Variants in PTPRC observed in about 807,000 individuals in gnomAD.
PTPRC encodes the protein protein tyrosine phosphatase receptor type C, also known as receptor-type tyrosine-protein phosphatase C.
A neutral mutation model predicts 155.9 loss-of-function variants in PTPRC; 44 were observed. The ratio of observed to expected loss-of-function variants is 0.28; its 90% CI spans 0.22 to 0.36. PTPRC has a LOEUF of 0.36. Among genes scored for constraint, PTPRC ranks in the 10% least tolerant of loss-of-function variants. The pLI, the probability that PTPRC is intolerant of heterozygous loss-of-function variation, is 1.00. For synonymous variants in PTPRC, 525 were observed against 533.1 expected, an observed-to-expected ratio of 0.98 and a Z score of 0.21; for missense variants, 1,401 against 1,564.6, an observed-to-expected ratio of 0.90 and a Z score of 1.76.
intron 28 of PTPRC, among the ~76,000 whole-genome samples, chr1:198,749,931 A>C (rs915994130): frequency 6.6e-6 from 1 of 151,916 alleles, no homozygotes; most frequent in African/African-American, 2.4e-5. Context: ...CTTTTCATTC[A>C]GATAAACTGA....
intron 12 of PTPRC, among the ~76,000 whole-genome samples, chr1:198,713,477 A>G (rs1475314444): frequency 6.6e-6 from 1 of 152,166 alleles, no homozygotes; most frequent in African/African-American, 2.4e-5. Context: ...AATAATACAG[A>G]CAAAATGTTG....
At chr1:198,705,436 T>C (rs76273496) in intron 8 of PTPRC, among the ~76,000 whole-genome samples, 11,968 of 150,634 alleles carry the variant, frequency 0.079, 536 homozygotes, top group Middle Eastern at 0.13. Context: ...TTCTTTCTTT[T>C]TTTTTTTTTT....
chr1:198,740,367 C>T (rs1170122868), intron 23 of PTPRC, among the ~76,000 whole-genome samples: 1 of 151,794 alleles, frequency 6.6e-6, no homozygotes. Flanking sequence ...CATTTGAGGT[C>T]AGGAGTTTGA....
At chr1:198,726,538 G>A (rs886395119) in intron 15 of PTPRC, among the ~76,000 whole-genome samples, 2 of 152,114 alleles carry the variant, frequency 1.3e-5, no homozygotes, top group African/African-American at 4.8e-5. Flanking sequence ...TGCCCTATGA[G>A]TCAAAGAAAT....
Position 198,660,030 on chromosome 1 carries a change from CATATATATATATATATATAT to C in PTPRC, c.73+20708_73+20727del, listed in dbSNP as rs34796231. Among the ~76,000 whole-genome samples, 7 of 115,920 alleles carry C rather than the reference CATATATATATATATATATAT, an allele frequency of 6.0e-5. No homozygotes were observed. In the East Asian group the frequency reaches 6.4e-4, roughly 11 times the overall value. The allele number at this position is 115,920 out of a possible 152,430, so 76.0% of individuals were successfully genotyped here. On this transcript the variant is annotated intron_variant, in intron 2 of 32. Coordinates refer to ENST00000442510, the MANE Select transcript of PTPRC (RefSeq NM_002838.5). ...AGATATATTTGTCCATATATATGTC[CATATATATATATATATATAT>C]ATATATATATATATATATGATCTTT... is the stretch of plus-strand genomic sequence containing the variant.
At chr1:198,742,444 T>C (rs1189508224) in intron 25 of PTPRC, 77 bp downstream of exon 25, 1 of 1,567,238 alleles carries the variant, frequency 6.4e-7, no homozygotes, top group East Asian at 2.3e-5. Flanking sequence ...AATAATGATA[T>C]TTTTTAAAAA....
intron 5 of PTPRC, among the ~76,000 whole-genome samples, chr1:198,701,183 G>T (rs556248928): frequency 6.6e-6 from 1 of 152,218 alleles, no homozygotes; most frequent in African/African-American, 2.4e-5. Flanking sequence ...TAAATTTCGT[G>T]GTTTAGTGGC....
chr1:198,710,151 A>G (rs532121067), intron 11 of PTPRC, among the ~76,000 whole-genome samples: 1 of 152,230 alleles, frequency 6.6e-6, no homozygotes, highest in East Asian at 1.9e-4. Context: ...GTCTAATTTC[A>G]TTTTGTTGCA....
intron 2 of PTPRC, among the ~76,000 whole-genome samples, chr1:198,669,001 G>C (rs952860287): frequency 2.6e-5 from 4 of 152,178 alleles, no homozygotes; most frequent in East Asian, 1.9e-4. Flanking sequence ...ACATTTGAAA[G>C]TGATGATATT....
intron 26 of PTPRC, among the ~76,000 whole-genome samples, chr1:198,747,575 G>T (rs1311811193): frequency 6.6e-6 from 1 of 151,766 alleles, no homozygotes; most frequent in African/African-American, 2.4e-5. Flanking sequence ...AAGGCAGACT[G>T]GATTAAGTAG....
chr1:198,731,831 T>C (rs1193547084), intron 18 of PTPRC, 105 bp downstream of exon 18: 2 of 887,588 alleles, frequency 2.3e-6, no homozygotes, highest in East Asian at 2.6e-5. Flanking sequence ...CCACTTGATA[T>C]TGCAACATAA....
chr1:198,732,859 GTCCACATTT>G (rs1654457776), intron 20 of PTPRC, among the ~76,000 whole-genome samples: 1 of 151,840 alleles, frequency 6.6e-6, no homozygotes, highest in Admixed American at 6.6e-5. Context: ...CTCACAAGAA[GTCCACATTT>G]GCCTCAGCCA....
intron 23 of PTPRC, 150 bp downstream of exon 23, chr1:198,735,402 A>C (rs1449138267): frequency 1.3e-6 from 1 of 746,174 alleles, no homozygotes; most frequent in African/African-American, 1.8e-5. Flanking sequence ...AATGACAAAA[A>C]TCAATAGGGT....
chr1:198,738,168 C>T (rs1218036857), intron 23 of PTPRC, among the ~76,000 whole-genome samples: 1 of 151,700 alleles, frequency 6.6e-6, no homozygotes, highest in African/African-American at 2.4e-5. Flanking sequence ...TGTCTGATGG[C>T]TCTAGCTGGG....
At chr1:198,638,975 C>G (rs981765137), upstream of PTPRC, 5 of 380,608 alleles carry the variant, frequency 1.3e-5, no homozygotes, top group African/African-American at 1.0e-4. Flanking sequence ...CTTAGAACAA[C>G]TTTTTTGACT....
intron 8 of PTPRC, among the ~76,000 whole-genome samples, chr1:198,705,975 G>A (rs1481515471): frequency 6.6e-6 from 1 of 152,124 alleles, no homozygotes; most frequent in African/African-American, 2.4e-5. Context: ...AGGTTTGTAT[G>A]TCTCCTGCAA....
intron 25 of PTPRC, among the ~76,000 whole-genome samples, chr1:198,743,548 AGTTAAATCTGG>A (rs1411337027): frequency 6.6e-6 from 1 of 151,950 alleles, no homozygotes; most frequent in East Asian, 1.9e-4. Context: ...AGTAAAGAGT[AGTTAAATCTGG>A]GTTTGGCCCA....
Position 198,756,981 on chromosome 1 carries a change from T to TTAAA in PTPRC, c.*806_*809dup, listed in dbSNP as rs1216107093. 8 of 151,908 alleles carry TTAAA rather than the reference T, an allele frequency of 5.3e-5. No individual in the cohort carries two copies. Among genetic ancestry groups the TTAAA allele is most frequent in the Non-Finnish European group, 8.8e-5 (6 of 67,848 alleles). The allele number at this position is 151,908 out of a possible 1,614,324, so 9.4% of individuals were successfully genotyped here. ...CAAATTAGGTTTTGTACAATTGAAC[T>TTAAA]TAAATAAATGTCATTAAAATAAATA... On this transcript the variant is annotated 3_prime_UTR_variant, in exon 33 of 33. Transcript: ENST00000442510.
chr1:198,707,046 G>A lies in PTPRC; in HGVS notation c.904+94G>A, dbSNP rs1653017946. The stretch of plus-strand genomic sequence containing the variant: ...GTGGTCACAGGAGCTAGTCTGGTGA[G>A]AGAACAGGGCTGAGGGAAAGGAAAT... On this transcript the variant is annotated intron_variant, in intron 9 of 32. Transcript: ENST00000442510. 27 of 1,048,924 alleles carry A rather than the reference G, an allele frequency of 2.6e-5. No homozygotes were observed. The South Asian group carries it at 3.1e-4, about 12-fold the overall frequency. The allele number at this position is 1,048,924 out of a possible 1,614,324, so 65.0% of individuals were successfully genotyped here. A position where few individuals can be genotyped will look rare whatever the true frequency, so the allele number is the denominator to read the frequency against.
Sources: allele counts gnomAD v4.1 joint callset (sites outside exome capture counted in the v4.1 genomes callset), GRCh38; gene constraint gnomAD v4.1.1; transcripts MANE v1.5; gene names NCBI Gene and HGNC (gene_info 2026-07-23, HGNC 2026-07-21).